The following SEC14L1 variants were observed in gnomAD, a reference collection of about 807,000 sequenced individuals.
The protein encoded by SEC14L1 is SEC14 like lipid binding 1.
SEC14L1 carries 48 observed loss-of-function variants against 85.3 expected under a neutral mutation model. The ratio of observed to expected loss-of-function variants is 0.56; its 90% confidence interval spans 0.45 to 0.72. The LOEUF (loss-of-function observed/expected upper bound fraction) is 0.72. Ranked by LOEUF, SEC14L1 falls within the 30% of genes least tolerant of loss-of-function variation. SEC14L1 has a pLI of 0.00. For synonymous variants in SEC14L1, 391 were observed against 355.5 expected (o/e 1.10, Z -1.12); for missense variants, 682 against 921.4 (o/e 0.74, Z 3.36).
chr17:77,175,776 G>A (rs1022789237), intron 3 of SEC14L1, among the ~76,000 whole-genome samples: 23 of 152,126 alleles, frequency 1.5e-4, no homozygotes, highest in Admixed American at 7.2e-4. Context: ...CCTGGGTCTC[G>A]GCTGTGCCTG....
intron 3 of SEC14L1, among the ~76,000 whole-genome samples, chr17:77,167,947 G>A (rs7224119): frequency 0.64 from 97,365 of 152,150 alleles, 31,365 homozygotes; most frequent in Middle Eastern, 0.73. Flanking sequence ...AGTACACCGA[G>A]CAAAGGAGGG....
At chr17:77,125,069 A>G (rs1334249677) in intron 3 of SEC14L1, among the ~76,000 whole-genome samples, 3 of 151,458 alleles carry the variant, frequency 2.0e-5, no homozygotes, top group African/African-American at 7.3e-5. Flanking sequence ...CAGTGGCACA[A>G]TCTTGGCTCA....
chr17:77,136,693 G>A (rs1429706464), upstream of SEC14L1, among the ~76,000 whole-genome samples: 2 of 152,138 alleles, frequency 1.3e-5, no homozygotes, highest in African/African-American at 4.8e-5. Context: ...CCAAGGAAGC[G>A]TCGTTCGGGG....
At chr17:77,210,558 C>G (rs1976694196) in intron 14 of SEC14L1, 1 of 152,268 alleles carries the variant, frequency 6.6e-6, no homozygotes, top group African/African-American at 2.4e-5. Flanking sequence ...GGGGTGTCTT[C>G]CTGAGTGGCT....
chr17:77,152,603 G>A (rs1157268112), intron 3 of SEC14L1: 1 of 151,996 alleles, frequency 6.6e-6, no homozygotes, highest in Non-Finnish European at 1.5e-5. Flanking sequence ...GTGGTATTGG[G>A]AAGTTTTCAA....
At chr17:77,142,197 G>GT (rs1973085133) in intron 1 of SEC14L1, among the ~76,000 whole-genome samples, 1 of 152,160 alleles carries the variant, frequency 6.6e-6, no homozygotes, top group Non-Finnish European at 1.5e-5. Context: ...AGATGGCGAT[G>GT]TTTTCCACCA....
chr17:77,111,402 T>TG (rs2143363108), intron 3 of SEC14L1, among the ~76,000 whole-genome samples: 1 of 151,762 alleles, frequency 6.6e-6, no homozygotes, highest in Middle Eastern at 3.4e-3. Context: ...AAGTGTTTTT[T>TG]TTTTTTTTGA....
At chr17:77,182,937 A>T (rs184211853) in intron 3 of SEC14L1, among the ~76,000 whole-genome samples, 2 of 152,372 alleles carry the variant, frequency 1.3e-5, no homozygotes, top group East Asian at 3.9e-4. Context: ...AGCCCCAAGG[A>T]GCTGGAGCCA....
intron 3 of SEC14L1, among the ~76,000 whole-genome samples, chr17:77,095,357 G>A (rs967756682): frequency 2.6e-5 from 4 of 152,194 alleles, no homozygotes; most frequent in African/African-American, 9.7e-5. Flanking sequence ...AGGACAGGAT[G>A]GGAATGAGTG....
At chr17:77,209,305 GT>G in intron 13 of SEC14L1, 36 bp from the exon 14 acceptor site, 1 of 1,611,938 alleles carries the variant, frequency 6.2e-7, no homozygotes, top group Non-Finnish European at 8.5e-7. Flanking sequence ...GTTGGTTTGT[GT>G]TTGCACAGGT....
chr17:77,192,037 C>T (rs1975568469), intron 5 of SEC14L1, among the ~76,000 whole-genome samples: 1 of 152,162 alleles, frequency 6.6e-6, no homozygotes, highest in Non-Finnish European at 1.5e-5. Flanking sequence ...CCTCATGATC[C>T]GTCTGCCTCG....
intron 3 of SEC14L1, among the ~76,000 whole-genome samples, chr17:77,163,691 A>T (rs886995456): frequency 6.6e-6 from 1 of 152,194 alleles, no homozygotes; most frequent in African/African-American, 2.4e-5. Flanking sequence ...TATGCTGTCA[A>T]GTTTCTTTAA....
chr17:77,095,322 A>G (rs1377059602), intron 3 of SEC14L1, among the ~76,000 whole-genome samples: 1 of 152,228 alleles, frequency 6.6e-6, no homozygotes, highest in Non-Finnish European at 1.5e-5. Flanking sequence ...TTAAGGCAGA[A>G]GAGTCTGCCA....
At chr17:77,113,442 C>G (rs893838899) in intron 3 of SEC14L1, among the ~76,000 whole-genome samples, 1 of 151,978 alleles carries the variant, frequency 6.6e-6, no homozygotes, top group East Asian at 1.9e-4. Context: ...CATCAGCAGG[C>G]TTGATAAAGA....
chr17:77,148,534 AGTTTCACTGT>A (rs986448851), intron 3 of SEC14L1, among the ~76,000 whole-genome samples: 1 of 152,094 alleles, frequency 6.6e-6, no homozygotes, highest in African/African-American at 2.4e-5. Context: ...CCCTCATCCC[AGTTTCACTGT>A]GCCCTAGGAG....
intron 3 of SEC14L1, among the ~76,000 whole-genome samples, chr17:77,105,092 T>A (rs9894310): frequency 0.29 from 44,192 of 151,916 alleles, 6,759 homozygotes; most frequent in African/African-American, 0.36. Flanking sequence ...CTGATGAGCC[T>A]TTCCAAAGAA....
At chr17:77,113,075 C>CT (rs1255542113) in intron 3 of SEC14L1, among the ~76,000 whole-genome samples, 2 of 152,026 alleles carry the variant, frequency 1.3e-5, no homozygotes, top group Non-Finnish European at 2.9e-5. Flanking sequence ...AGGAGGATCA[C>CT]TTGAGCCCAA....
upstream of SEC14L1, among the ~76,000 whole-genome samples, chr17:77,139,687 CA>C (rs1166520444): frequency 1.3e-5 from 2 of 151,408 alleles, no homozygotes; most frequent in African/African-American, 2.4e-5. Flanking sequence ...TTAGTAGAGA[CA>C]GGGATTTCAC....
chr17:77,089,205 C>T (rs1447113556), exon 2 of SEC14L1: 2 of 335,636 alleles, frequency 6.0e-6, no homozygotes, highest in Non-Finnish European at 1.2e-5. Context: ...AAACATGCAG[C>T]AACCACTATT....
Sources: allele counts gnomAD v4.1 joint callset (sites outside exome capture counted in the v4.1 genomes callset), GRCh38; gene constraint gnomAD v4.1.1; transcripts MANE v1.5; gene names NCBI Gene and HGNC (gene_info 2026-07-23, HGNC 2026-07-21).